SGCG: variants seen among roughly 807,000 people sequenced by gnomAD.
SGCG encodes gamma-sarcoglycan.
In SGCG, 26 loss-of-function variants were observed where a neutral mutation model predicts 29.3. The ratio of observed to expected loss-of-function variants is 0.89; its 90% CI spans 0.65 to 1.23. SGCG has a LOEUF of 1.23. Ranked by LOEUF, SGCG falls within the 50% of genes most tolerant of loss-of-function variation. The pLI, the probability that SGCG is intolerant of heterozygous loss-of-function variation, is 0.00. For synonymous variants in SGCG, 145 were observed against 129.7 expected (o/e 1.12, Z -0.80); for missense variants, 353 against 356.0 (o/e 0.99, Z 0.07).
At chr13:23,176,389 C>G (rs760964569), upstream of SGCG, among the ~76,000 whole-genome samples, 5 of 152,038 alleles carry the variant, frequency 3.3e-5, no homozygotes, top group Non-Finnish European at 7.4e-5. Context: ...ACATATAGAT[C>G]TAATATTTGC....
At chr13:23,226,411 T>C (rs1878900075) in intron 2 of SGCG, among the ~76,000 whole-genome samples, 1 of 151,204 alleles carries the variant, frequency 6.6e-6, no homozygotes, top group South Asian at 2.1e-4. Flanking sequence ...AACTGTATAA[T>C]ATCTGTAGGC....
intron 6 of SGCG, among the ~76,000 whole-genome samples, chr13:23,305,830 A>C (rs1187623800): frequency 3.3e-5 from 5 of 152,210 alleles, no homozygotes; most frequent in African/African-American, 1.2e-4. Context: ...CATTCTGAGA[A>C]TAAATCCTAC....
At chr13:23,283,379 CTTT>C (rs1881380030) in intron 5 of SGCG, among the ~76,000 whole-genome samples, 1 of 152,152 alleles carries the variant, frequency 6.6e-6, no homozygotes, top group African/African-American at 2.4e-5. Flanking sequence ...TAATGCCCTT[CTTT>C]GTCTTTTTTT....
chr13:23,311,990 AG>A (rs1351419621), intron 6 of SGCG, among the ~76,000 whole-genome samples: 2 of 152,160 alleles, frequency 1.3e-5, no homozygotes, highest in Non-Finnish European at 2.9e-5. Flanking sequence ...TTATAGAAGA[AG>A]GTGAGCCTCA....
chr13:23,295,260 T>C (rs1022741229), intron 5 of SGCG, among the ~76,000 whole-genome samples, 155 bp from the exon 6 acceptor site: 1 of 150,516 alleles, frequency 6.6e-6, no homozygotes, highest in African/African-American at 2.4e-5. Flanking sequence ...GGGAAAGAGT[T>C]GGGCCTATTT....
At chr13:23,295,774 C>T (rs1451006525) in intron 6 of SGCG, among the ~76,000 whole-genome samples, 1 of 152,196 alleles carries the variant, frequency 6.6e-6, no homozygotes, top group African/African-American at 2.4e-5. Flanking sequence ...TTGCTAAATG[C>T]AAGCTGGTTA....
intron 4 of SGCG, among the ~76,000 whole-genome samples, chr13:23,262,618 A>G (rs867165480): frequency 8.6e-5 from 13 of 152,002 alleles, no homozygotes; most frequent in African/African-American, 2.9e-4. Flanking sequence ...GAAAGTCAAC[A>G]AAGAAAACTG....
the SGCG span, among the ~76,000 whole-genome samples, chr13:23,175,959 G>A: frequency 2.0e-5 from 3 of 151,998 alleles, no homozygotes; most frequent in Non-Finnish European, 4.4e-5. Flanking sequence ...AAAATCATTT[G>A]ATTACTCATT....
chr13:23,284,011 G>A (rs894845085), intron 5 of SGCG, among the ~76,000 whole-genome samples: 16 of 152,272 alleles, frequency 1.1e-4, no homozygotes, highest in Admixed American at 4.6e-4. Context: ...TAGGTAACCC[G>A]ACCTTTCTCT....
At chr13:23,169,143 T>C in the SGCG span, among the ~76,000 whole-genome samples, 2 of 152,010 alleles carry the variant, frequency 1.3e-5, no homozygotes, top group Non-Finnish European at 2.9e-5. Context: ...ACCCTCATTT[T>C]TGACCCCCTT....
At chr13:23,274,395 C>CTTT (rs869153381) in intron 4 of SGCG, among the ~76,000 whole-genome samples, 2,423 of 85,252 alleles carry the variant, frequency 0.028, 128 homozygotes, top group Non-Finnish European at 0.039. Context: ...CTTTCTTTCT[C>CTTT]TTTTTTTTTT....
intron 2 of SGCG, among the ~76,000 whole-genome samples, chr13:23,223,256 G>A (rs545759273): frequency 7.2e-4 from 92 of 128,060 alleles, no homozygotes; most frequent in Admixed American, 3.4e-3. Flanking sequence ...CAGCCTGGGC[G>A]ACAGAGTCAG....
At chr13:23,244,651 A>C (rs1879630036) in intron 3 of SGCG, 1 of 152,156 alleles carries the variant, frequency 6.6e-6, no homozygotes, top group South Asian at 2.1e-4. Flanking sequence ...GAGAAAAGTT[A>C]ATACATCTAC....
chr13:23,224,151 C>T (rs1043840366), intron 2 of SGCG, among the ~76,000 whole-genome samples: 1 of 152,054 alleles, frequency 6.6e-6, no homozygotes, highest in Non-Finnish European at 1.5e-5. Flanking sequence ...CTGAGTCAGT[C>T]TATACAGATT....
In SGCG at chr13:23,301,132, A is replaced by G. The variant is rs76060870; in HGVS notation, c.578+5645A>G. On this transcript the variant is annotated intron_variant, in intron 6 of 7. Transcript: ENST00000218867. Reference sequence around the variant, plus strand: ...CTCCATCTCAAAAAAAAGGAATTGAACTACCATGGAGAAGAATTAGAATTA... The same window carrying G: ...CTCCATCTCAAAAAAAAGGAATTGAGCTACCATGGAGAAGAATTAGAATTA... 4.4e-3 allele frequency among the ~76,000 whole-genome samples: 665 copies of G among 152,284 alleles called. 4 individuals carry two copies. Among genetic ancestry groups the G allele is most frequent in the African/African-American group, 0.015 (625 of 41,556 alleles).
chr13:23,169,378 C>A, the SGCG span, among the ~76,000 whole-genome samples: 2 of 150,522 alleles, frequency 1.3e-5, no homozygotes. Context: ...CACCATCACC[C>A]TGTGGAAAAA....
At chr13:23,289,449 TTGCCTCTGCAAAGAC>T (rs1881617207) in intron 5 of SGCG, among the ~76,000 whole-genome samples, 1 of 152,268 alleles carries the variant, frequency 6.6e-6, no homozygotes, top group African/African-American at 2.4e-5. Context: ...CAAACATCAC[TTGCCTCTGCAAAGAC>T]TTCTCTAAAC....
intron 2 of SGCG, among the ~76,000 whole-genome samples, chr13:23,223,635 C>T (rs1878773227): frequency 6.6e-6 from 1 of 152,004 alleles, no homozygotes; most frequent in Non-Finnish European, 1.5e-5. Context: ...ATTGACATAG[C>T]TTATGGTTTT....
At chr13:23,162,920 C>T in the SGCG span, among the ~76,000 whole-genome samples, 1 of 151,976 alleles carries the variant, frequency 6.6e-6, no homozygotes, top group African/African-American at 2.4e-5. Flanking sequence ...GGGTAAAATA[C>T]ATAAATGTCT....
Sources: allele counts gnomAD v4.1 joint callset (sites outside exome capture counted in the v4.1 genomes callset), GRCh38; gene constraint gnomAD v4.1.1; transcripts MANE v1.5; gene names NCBI Gene and HGNC (gene_info 2026-07-23, HGNC 2026-07-21).